GPRC6A: variants seen among roughly 807,000 people sequenced by gnomAD.
The protein encoded by GPRC6A is G protein-coupled receptor class C group 6 member A.
Under a neutral mutation model 47.0 loss-of-function variants are expected in GPRC6A, and 54 were observed. That is an observed-to-expected ratio of 1.15 (90% CI 0.92 to 1.44). GPRC6A has a LOEUF of 1.44. GPRC6A is among the 40% of genes most tolerant of loss of function. The pLI, the probability that GPRC6A is intolerant of heterozygous loss-of-function variation, is 0.00. For missense variants in GPRC6A, 1,112 were observed against 1,105.5 expected (o/e 1.01, Z -0.08); for synonymous variants, 347 against 377.1 (o/e 0.92, Z 0.93).
In GPRC6A at chr6:116,829,029, G is replaced by A. The variant is rs1340201114; in HGVS notation, c.-16C>T. On this transcript the variant is annotated 5_prime_UTR_variant, in exon 1 of 6. Coordinates refer to ENST00000310357, the MANE Select transcript of GPRC6A (RefSeq NM_148963.4). ...AGAATGCCATGTTTCTATCTCATTT[G>A]CTCAGTTCATGTGAGTTCTTAGGAA... The A allele has an allele frequency of 6.2e-7, 1 of 1,604,258 alleles. No homozygotes were observed. Among genetic ancestry groups the A allele is most frequent in the South Asian group, 1.1e-5 (1 of 89,544 alleles).
At chr6:116,798,922 G>T (rs1229726928) in intron 4 of GPRC6A, among the ~76,000 whole-genome samples, 1 of 151,170 alleles carries the variant, frequency 6.6e-6, no homozygotes, top group Non-Finnish European at 1.5e-5. Context: ...AAAGGAATAA[G>T]AGGGGAGGCA....
At chr6:116,812,695 CACAAG>C (rs1013597822) in intron 1 of GPRC6A, among the ~76,000 whole-genome samples, 33 of 152,210 alleles carry the variant, frequency 2.2e-4, no homozygotes, top group Middle Eastern at 3.4e-3. Context: ...TGAAAACTGG[CACAAG>C]ACAAGGATGC....
At chr6:116,821,191 T>C (rs985531246) in intron 1 of GPRC6A, among the ~76,000 whole-genome samples, 4 of 151,804 alleles carry the variant, frequency 2.6e-5, no homozygotes, top group African/African-American at 7.3e-5. Context: ...TACAAACCAC[T>C]GCTCAAGGAA....
chr6:116,809,166 C>T (rs772058729), intron 2 of GPRC6A, 148 bp downstream of exon 2: 11 of 627,554 alleles, frequency 1.8e-5, no homozygotes, highest in African/African-American at 3.7e-5. Context: ...ACTATACTCT[C>T]TGTAATGGTG....
chr6:116,818,741 C>A (rs772506973), intron 1 of GPRC6A, among the ~76,000 whole-genome samples: 1 of 151,010 alleles, frequency 6.6e-6, no homozygotes, highest in African/African-American at 2.4e-5. Context: ...GGGTACCAGC[C>A]GCTGCAAAAT....
chr6:116,803,407 T>C (rs1318257247), intron 3 of GPRC6A, among the ~76,000 whole-genome samples: 1 of 152,114 alleles, frequency 6.6e-6, no homozygotes, highest in Non-Finnish European at 1.5e-5. Context: ...CTATCCTCTG[T>C]CAAGTTCAAA....
chr6:116,799,475 C>A (rs1211055795), intron 4 of GPRC6A, among the ~76,000 whole-genome samples: 1 of 152,066 alleles, frequency 6.6e-6, no homozygotes, highest in East Asian at 1.9e-4. Flanking sequence ...TGGAAGCAAA[C>A]AAATAAAATA....
At position 116,798,568 on chromosome 6, in the gene GPRC6A, C is replaced by T. The variant is rs181823782; in HGVS notation, c.1548+2016G>A. Among the ~76,000 whole-genome samples, 1,345 of 152,132 alleles carry T rather than the reference C, an allele frequency of 8.8e-3. 12 individuals are homozygous for T. The highest frequency in any genetic ancestry group is 0.014 in the Non-Finnish European group (939 of 67,972). On this transcript the variant is annotated intron_variant, in intron 4 of 5. Coordinates refer to ENST00000310357, the MANE Select transcript of GPRC6A (RefSeq NM_148963.4). Reference sequence around the variant, plus strand: ...GAGCAGAGCACTATGTTTTACAGGACCACTTGTGTCTCTGTTTTGAAAACA... The same window carrying T: ...GAGCAGAGCACTATGTTTTACAGGATCACTTGTGTCTCTGTTTTGAAAACA...
chr6:116,795,253 A>T (rs143154283), intron 5 of GPRC6A, among the ~76,000 whole-genome samples: 1,677 of 152,288 alleles, frequency 0.011, 27 homozygotes, highest in Admixed American at 0.04. Context: ...GTTTCCTGGT[A>T]GAAATAATAA....
In GPRC6A at chr6:116,792,750, A is replaced by G; in HGVS notation, c.2173T>C (p.Phe725Leu). Residue 725 changes from phenylalanine to leucine, a missense_variant, in exon 6 of 6, where the codon TTT becomes CTT. By Grantham distance (22) the Phe-to-Leu change is conservative. Transcript: ENST00000310357. ...TTCACCTCTACAGTAGGTGCTGCAA[A>G]GATTAGCCAGAGTGTGCAAATGACA... ...QVVICTLWLI[F>L]AAPTVEVNVS... is the part of the protein sequence containing the mutation. 6.2e-7 allele frequency: 1 copy of G among 1,613,984 alleles called. No individual in the cohort carries two copies. The highest frequency in any genetic ancestry group is 8.5e-7 in the Non-Finnish European group (1 of 1,179,942).
At chr6:116,794,853 A>AT (rs1373479774) in intron 5 of GPRC6A, among the ~76,000 whole-genome samples, 12 of 152,264 alleles carry the variant, frequency 7.9e-5, no homozygotes, top group Admixed American at 1.3e-4. Context: ...AATAAATGGC[A>AT]TTTTTTGTGT....
Position 116,792,212 on chromosome 6 carries a change from G to A in GPRC6A, c.2711C>T (p.Ala904Val). 1 of 1,613,870 alleles carries A rather than the reference G, an allele frequency of 6.2e-7. No homozygotes were observed. Residue 904 changes from alanine to valine, a missense_variant, in exon 6 of 6, where the codon GCA (alanine) becomes GTA (valine). Ala to Val is a moderately conservative substitution (Grantham distance 64). Transcript: ENST00000310357. Reference sequence around the variant, plus strand: ...TGTGGCATTTTCCCTGCATATGTGTGCAAATGCTTGTGCCTGAAGATCTTT... The same window carrying A: ...TGTGGCATTTTCCCTGCATATGTGTACAAATGCTTGTGCCTGAAGATCTTT... ...KSKDLQAQAF[A>V]HICRENATSV... is the part of the protein sequence containing the mutation.
chr6:116,822,909 A>AT (rs71554864), intron 1 of GPRC6A, among the ~76,000 whole-genome samples: 1 of 148,752 alleles, frequency 6.7e-6, no homozygotes, highest in Admixed American at 6.7e-5. Flanking sequence ...AAAAAAAAAA[A>AT]GAAAGAAAGA....
At chr6:116,825,752 A>G (rs1177575771) in intron 1 of GPRC6A, among the ~76,000 whole-genome samples, 1 of 152,012 alleles carries the variant, frequency 6.6e-6, no homozygotes, top group Non-Finnish European at 1.5e-5. Context: ...AAGCCAGAAT[A>G]GCCACAGCAC....
rs985198078 is a variant in GPRC6A, at chr6:116,807,075, C to A, written c.630G>T (p.Trp210Cys). 8.1e-6 allele frequency: 13 copies of A among 1,613,494 alleles called. No individual in the cohort carries two copies. In the African/African-American group the frequency reaches 1.5e-4, roughly 18 times the overall value. ...CATCATCTGTGGTTATGATGCCAAT[C>A]CAGTTCCAACCAGATTTCTGAATCA... ...AHLIQKSGWNWIGIITTDDDY... is the reference protein window; with the variant it reads ...AHLIQKSGWNCIGIITTDDDY... The change falls in exon 3 of 6, where the codon TGG (tryptophan) becomes TGT (cysteine). Residue 210 changes from tryptophan (W) to cysteine (C), a missense_variant. Physicochemically the swap from Trp to Cys is radical, Grantham distance 215. Transcript: ENST00000310357.
In GPRC6A at chr6:116,809,392, A is replaced by C. The variant is rs878953459; in HGVS notation, c.420T>G (p.Val140=). ...KCDYSSYMPR[V]KAVIGSGYSE... ...AGTACCCAGAACCTATGACAGCCTTAACTCTTGGCATGTAGCTGGAATAGT... is the reference window on the plus strand; with the variant it reads ...AGTACCCAGAACCTATGACAGCCTTCACTCTTGGCATGTAGCTGGAATAGT... Residue 140 remains valine, a synonymous_variant, in exon 2 of 6, where the codon GTT becomes GTG. Transcript: ENST00000310357. 6.2e-7 allele frequency: 1 copy of C among 1,613,654 alleles called. No individual in the cohort carries two copies. The highest frequency in any genetic ancestry group is 1.1e-5 in the South Asian group (1 of 91,072).
In GPRC6A at chr6:116,809,527, C is replaced by T. The variant is rs1255166134; in HGVS notation, c.285G>A (p.Leu95=). The T allele has an allele frequency of 6.2e-7, 1 of 1,612,488 alleles. No homozygotes were observed. Among genetic ancestry groups the T allele is most frequent in the Non-Finnish European group, 8.5e-7 (1 of 1,178,818 alleles). Residue 95 remains leucine, a synonymous_variant, in exon 2 of 6, where the codon CTG becomes CTA. Coordinates refer to ENST00000310357, the MANE Select transcript of GPRC6A (RefSeq NM_148963.4). The part of the protein sequence containing the change: ...NNSTLLPGVK[L]GYEIYDTCTE... The stretch of plus-strand genomic sequence containing the variant: ...TACAAGTGTCATAGATTTCATACCC[C>T]AGTTTGACTCCAGGTAAGAGTGTTG...
In GPRC6A at chr6:116,828,968, C is replaced by G. The variant is rs753372835; in HGVS notation, c.46G>C (p.Ala16Pro). The G allele has an allele frequency of 1.7e-5, 28 of 1,612,854 alleles. No individual in the cohort carries two copies. Among genetic ancestry groups the G allele is most frequent in the Non-Finnish European group, 2.3e-5 (27 of 1,179,332 alleles). Residue 16 changes from alanine to proline, a missense_variant, in exon 1 of 6, where the codon GCT becomes CCT. Physicochemically the swap from Ala to Pro is conservative, Grantham distance 27 (BLOSUM62 -1). Coordinates refer to ENST00000310357, the MANE Select transcript of GPRC6A (RefSeq NM_148963.4). ...GGGGTCTGGCAAGGCTGTGAAGTAG[C>G]AAGAATAATCACAAAGCAGGTAATT... ...ILITCFVIIL[A>P]TSQPCQTPDD... is the part of the protein sequence containing the mutation.
At chr6:116,808,236 T>C (rs1333477008) in intron 2 of GPRC6A, among the ~76,000 whole-genome samples, 1 of 152,178 alleles carries the variant, frequency 6.6e-6, no homozygotes, top group Non-Finnish European at 1.5e-5. Flanking sequence ...GATGTTGCTA[T>C]GCTCAGCCAC....
Sources: gnomAD v4.1 joint callset for allele counts (sites outside exome capture counted in the v4.1 genomes callset) on GRCh38, gnomAD v4.1.1 for gene constraint, MANE v1.5 for transcripts, NCBI Gene and HGNC (gene_info 2026-07-23, HGNC 2026-07-21) for gene names.